The following ZNF541 variants were observed in gnomAD, a reference collection of about 807,000 sequenced individuals.
ZNF541 encodes zinc finger protein 541.
A neutral mutation model predicts 123.5 loss-of-function variants in ZNF541; 23 were observed. That is an observed-to-expected ratio of 0.19 (90% CI 0.13 to 0.26). The LOEUF (loss-of-function observed/expected upper bound fraction) is 0.26, where lower values mean the gene tolerates loss of function less well. Ranked by LOEUF, ZNF541 falls within the 10% of genes least tolerant of loss-of-function variation. The probability of loss-of-function intolerance (pLI) is 1.00; values close to 1 mark genes in which losing one functional copy is unlikely to be tolerated. For missense variants in ZNF541, 1,612 were observed against 1,789.9 expected, an observed-to-expected ratio of 0.90 and a Z score of 1.79; for synonymous variants, 751 against 754.5, an observed-to-expected ratio of 1.00 and a Z score of 0.08.
chr19:47,531,714 G>A lies in ZNF541; in HGVS notation c.3333C>T (p.Ser1111=), dbSNP rs370473640. 478 of 1,548,772 alleles carry A rather than the reference G, an allele frequency of 3.1e-4. No homozygotes were observed. In the Middle Eastern group the frequency reaches 7.2e-3, roughly 23 times the overall value. The change falls in exon 12 of 17, where the codon AGC becomes AGT. Residue 1111 remains serine, a synonymous_variant. Transcript: ENST00000391901. The part of the protein sequence containing the change: ...VTELCNVACS[S]VMPGGGTNLE... ...GGTTGGTGCCCCCTCCTGGCATCACGCTGGAGCATGCCACATTGCAGAGCT... is the reference window on the plus strand; with the variant it reads ...GGTTGGTGCCCCCTCCTGGCATCACACTGGAGCATGCCACATTGCAGAGCT...
intron 9 of ZNF541, among the ~76,000 whole-genome samples, chr19:47,536,479 C>T (rs549488149): frequency 6.6e-6 from 1 of 152,288 alleles, no homozygotes; most frequent in African/African-American, 2.4e-5. Context: ...CTTAGGTGAT[C>T]CACCCGCCCC....
Position 47,530,477 on chromosome 19 carries a change from G to A in ZNF541, c.3406-825C>T, listed in dbSNP as rs146445828. ...CTGGGATTACAGGCGTGAGCCATGC[G>A]CCTGGCCTAGCTAACAATTTGACTT... On this transcript the variant is annotated intron_variant, in intron 12 of 16. Coordinates refer to ENST00000391901, the MANE Select transcript of ZNF541 (RefSeq NM_001277075.3). Among the ~76,000 whole-genome samples the A allele has an allele frequency of 1.5e-3, 220 of 149,770 alleles. 2 individuals are homozygous for A. Among genetic ancestry groups the A allele is most frequent in the African/African-American group, 5.0e-3 (204 of 40,782 alleles).
chr19:47,528,678 C>T (rs1969422283), intron 14 of ZNF541, among the ~76,000 whole-genome samples: 2 of 151,992 alleles, frequency 1.3e-5, no homozygotes, highest in Admixed American at 6.6e-5. Flanking sequence ...ACAGAAATGC[C>T]TGTTGCTTGG....
chr19:47,560,749 C>G (rs1971028482), intron 2 of ZNF541, among the ~76,000 whole-genome samples: 1 of 152,124 alleles, frequency 6.6e-6, no homozygotes, highest in Non-Finnish European at 1.5e-5. Flanking sequence ...TCAGTCCACA[C>G]AAAAGCCTGC....
At chr19:47,543,052 A>G (rs1970151124) in intron 5 of ZNF541, among the ~76,000 whole-genome samples, 1 of 151,996 alleles carries the variant, frequency 6.6e-6, no homozygotes, top group African/African-American at 2.4e-5. Flanking sequence ...AGATGAGAGG[A>G]TTGCTTGAGC....
At chr19:47,570,321 T>C (rs1211600192) in intron 2 of ZNF541, among the ~76,000 whole-genome samples, 1 of 150,708 alleles carries the variant, frequency 6.6e-6, no homozygotes, top group Admixed American at 6.6e-5. Context: ...TTCATGCCTG[T>C]AATCCCAGCA....
chr19:47,563,209 T>C (rs531053238), intron 2 of ZNF541, among the ~76,000 whole-genome samples: 1 of 152,288 alleles, frequency 6.6e-6, no homozygotes, highest in African/African-American at 2.4e-5. Flanking sequence ...GAGACCCAAC[T>C]GAGTTTCAGA....
chr19:47,531,936 G>A (rs1969591964), intron 11 of ZNF541, among the ~76,000 whole-genome samples, 191 bp from the exon 12 acceptor site: 1 of 152,200 alleles, frequency 6.6e-6, no homozygotes, highest in African/African-American at 2.4e-5. Context: ...CAGCCACCAT[G>A]TGACAAAAGA....
chr19:47,563,659 T>G (rs2123380355), intron 2 of ZNF541, among the ~76,000 whole-genome samples: 1 of 152,280 alleles, frequency 6.6e-6, no homozygotes, highest in African/African-American at 2.4e-5. Flanking sequence ...TAGGCTAGAG[T>G]GCAGTGGTGC....
intron 2 of ZNF541, among the ~76,000 whole-genome samples, chr19:47,560,905 A>G (rs2974197): frequency 0.36 from 55,385 of 152,034 alleles, 14,959 homozygotes; most frequent in African/African-American, 0.76. Flanking sequence ...AAGCTATCAA[A>G]CCACACAATG....
intron 2 of ZNF541, among the ~76,000 whole-genome samples, chr19:47,562,826 C>T (rs1185957749): frequency 6.6e-6 from 1 of 152,124 alleles, no homozygotes; most frequent in Admixed American, 6.5e-5. Flanking sequence ...CTTTCCAGGG[C>T]TAAATAATGT....
At chr19:47,572,599 G>A (rs1313254487) in intron 1 of ZNF541, among the ~76,000 whole-genome samples, 1 of 152,000 alleles carries the variant, frequency 6.6e-6, no homozygotes, top group African/African-American at 2.4e-5. Context: ...CCTAAAAAGG[G>A]ATAAATCTGG....
chr19:47,554,830 A>G (rs1171972271), intron 3 of ZNF541, among the ~76,000 whole-genome samples: 1 of 152,170 alleles, frequency 6.6e-6, no homozygotes, highest in African/African-American at 2.4e-5. Context: ...GTGGTGGCTC[A>G]CGCCTGCAAT....
intron 8 of ZNF541, 176 bp from the exon 9 acceptor site, chr19:47,538,615 G>A (rs1166668516): frequency 3.3e-6 from 2 of 608,690 alleles, no homozygotes; most frequent in Middle Eastern, 2.9e-4. Flanking sequence ...TGAGCCTGGC[G>A]ATGATCCGGC....
In ZNF541 at chr19:47,540,505, T is replaced by C. The variant is rs532987894; in HGVS notation, c.2463-170A>G. 2.0e-5 allele frequency among the ~76,000 whole-genome samples: 3 copies of C among 151,770 alleles called. No homozygotes were observed. The East Asian group carries it at 5.9e-4, about 30-fold the overall frequency. ...CCCAGACTGGAGTGCGGTGGCACCA[T>C]CTCGGCTCACTGTAACCTCCACCTC... On this transcript the variant is annotated intron_variant, in intron 6 of 16. Coordinates refer to ENST00000391901, the MANE Select transcript of ZNF541 (RefSeq NM_001277075.3).
rs570136107 is a variant in ZNF541 at position 47,545,790 on chromosome 19, C to T, written c.739G>A (p.Gly247Ser). Reference protein sequence around the residue: ...GDSPHAHESAGQPPPSSLRSL... With the variant: ...GDSPHAHESASQPPPSSLRSL... ...CGCAGGCTGCTGGGGGGCGGCTGGCCGGCCGACTCGTGGGCGTGGGGGGAG... is the reference window on the plus strand; with the variant it reads ...CGCAGGCTGCTGGGGGGCGGCTGGCTGGCCGACTCGTGGGCGTGGGGGGAG... Residue 247 changes from glycine (G) to serine (S), a missense_variant, in exon 5 of 17, where the codon GGC becomes AGC. By Grantham distance (56) the Gly-to-Ser change is moderately conservative (BLOSUM62 0). Coordinates refer to ENST00000391901, the MANE Select transcript of ZNF541 (RefSeq NM_001277075.3). The surrounding 1 kb of genome is among the most constrained non-coding windows in gnomAD (Gnocchi z 7.5). 5 of 1,541,196 alleles carry T rather than the reference C, an allele frequency of 3.2e-6. No individual in the cohort carries two copies. The highest frequency in any genetic ancestry group is 2.7e-5 in the African/African-American group (2 of 72,888).
At chr19:47,547,417 A>G (rs1970401007) in intron 4 of ZNF541, among the ~76,000 whole-genome samples, 1 of 152,216 alleles carries the variant, frequency 6.6e-6, no homozygotes, top group South Asian at 2.1e-4. Flanking sequence ...AAATATAAGC[A>G]GAGGAGTACA....
chr19:47,549,603 T>G, intron 3 of ZNF541, 118 bp from the exon 4 acceptor site: 5 of 1,421,422 alleles, frequency 3.5e-6, no homozygotes, highest in Non-Finnish European at 4.7e-6. Flanking sequence ...GCGCGAGAAC[T>G]CTTGCTCCAC....
At chr19:47,559,740 C>G (rs753908856) in intron 2 of ZNF541, among the ~76,000 whole-genome samples, 45 of 151,460 alleles carry the variant, frequency 3.0e-4, no homozygotes, top group Non-Finnish European at 5.4e-4. Context: ...GTCCCAGCTA[C>G]TTGCGAGGCT....
Sources: allele counts gnomAD v4.1 joint callset (sites outside exome capture counted in the v4.1 genomes callset), GRCh38; gene constraint gnomAD v4.1.1; non-coding constraint Gnocchi (gnomAD v3.1); transcripts MANE v1.5; gene names NCBI Gene and HGNC (gene_info 2026-07-23, HGNC 2026-07-21).